Variants in ECPAS observed in about 807,000 individuals in gnomAD.
The protein encoded by ECPAS is Ecm29 proteasome adaptor and scaffold.
Under a neutral mutation model 255.1 loss-of-function variants are expected in ECPAS, and 70 were observed. The observed-to-expected ratio is 0.27, with a 90% CI of 0.23 to 0.33. ECPAS has a LOEUF of 0.33. Ranked by LOEUF, ECPAS falls within the 10% of genes least tolerant of loss-of-function variation. The probability of loss-of-function intolerance (pLI) is 1.00; values close to 1 mark genes in which losing one functional copy is unlikely to be tolerated. For synonymous variants in ECPAS, 784 were observed against 775.0 expected, an observed-to-expected ratio of 1.01 and a Z score of -0.19; for missense variants, 1,817 against 2,206.4, an observed-to-expected ratio of 0.82 and a Z score of 3.54.
At position 111,472,915 on chromosome 9, in the gene ECPAS, A is replaced by T; in HGVS notation, c.4T>A (p.Tyr2Asn). Residue 2 changes from tyrosine to asparagine, a missense_variant, in exon 2 of 50, where the codon TAT becomes AAT. This residue lies in a region of ECPAS where 90 missense variants were observed against 158.5 expected (regional missense o/e 0.57). Transcript: ENST00000684092. ...TACTAACCTCTACAATCAATGTGATACATGGTTTATCCAATCTTGACAAAA... is the reference window on the plus strand; with the variant it reads ...TACTAACCTCTACAATCAATGTGATTCATGGTTTATCCAATCTTGACAAAA... M[Y>N]HIDCRDQLER... 1.6e-6 allele frequency: 2 copies of T among 1,244,212 alleles called. No individual in the cohort carries two copies. Among genetic ancestry groups the T allele is most frequent in the South Asian group, 2.8e-5 (2 of 71,096 alleles). The allele number at this position is 1,244,212 out of a possible 1,614,324, so 77.1% of individuals were successfully genotyped here.
intron 31 of ECPAS, among the ~76,000 whole-genome samples, chr9:111,388,476 C>A (rs887401364): frequency 6.6e-6 from 1 of 150,734 alleles, no homozygotes; most frequent in South Asian, 2.2e-4. Context: ...CAGCCTAGTA[C>A]CAGACAGGAG....
At chr9:111,456,534 A>C (rs1365530189) in intron 2 of ECPAS, among the ~76,000 whole-genome samples, 1 of 152,248 alleles carries the variant, frequency 6.6e-6, no homozygotes, top group Non-Finnish European at 1.5e-5. Context: ...CCAAACGTTC[A>C]CTAGAATGTG....
Position 111,385,438 on chromosome 9 carries a change from A to T in ECPAS, c.3532T>A (p.Leu1178Ile). 1 of 1,522,612 alleles carries T rather than the reference A, an allele frequency of 6.6e-7. No homozygotes were observed. The highest frequency in any genetic ancestry group is 8.9e-7 in the Non-Finnish European group (1 of 1,120,882). The allele number at this position is 1,522,612 out of a possible 1,614,324, so 94.3% of individuals were successfully genotyped here. The part of the protein sequence containing the change: ...NMWRVRESSC[L>I]ALNDLLRGRP... Reference sequence around the variant, plus strand: ...CCTCTCAATAAATCATTCAAAGCTAAACAGCTGAAAATCAAAATTTCATTT... The same window carrying T: ...CCTCTCAATAAATCATTCAAAGCTATACAGCTGAAAATCAAAATTTCATTT... Residue 1178 changes from leucine (L) to isoleucine (I), a missense_variant, in exon 33 of 50, where the codon TTA (leucine) becomes ATA (isoleucine). This residue lies in a region of ECPAS where 960 missense variants were observed against 1,179.0 expected (regional missense o/e 0.81). Coordinates refer to ENST00000684092, the MANE Select transcript of ECPAS (RefSeq NM_001364929.1).
intron 1 of ECPAS, among the ~76,000 whole-genome samples, chr9:111,474,585 G>C (rs547811825): frequency 6.6e-6 from 1 of 152,072 alleles, no homozygotes; most frequent in South Asian, 2.1e-4. Flanking sequence ...CTCATGTTAC[G>C]CTCCTGCTTA....
At chr9:111,460,864 T>C (rs188301875) in intron 2 of ECPAS, among the ~76,000 whole-genome samples, 27 of 152,286 alleles carry the variant, frequency 1.8e-4, no homozygotes, top group African/African-American at 5.8e-4. Context: ...AATTGACCTA[T>C]AGACAATATA....
intron 48 of ECPAS, among the ~76,000 whole-genome samples, chr9:111,364,033 G>T (rs2098117277): frequency 6.6e-6 from 1 of 152,136 alleles, no homozygotes; most frequent in Non-Finnish European, 1.5e-5. Flanking sequence ...TTTTACCAAA[G>T]AACATTATAT....
chr9:111,392,943 A>G, intron 27 of ECPAS, 61 bp from the exon 28 acceptor site: 7 of 1,161,214 alleles, frequency 6.0e-6, no homozygotes, highest in Non-Finnish European at 7.5e-6. Context: ...CTTGCTATGA[A>G]ATCAAAATTT....
chr9:111,445,287 G>A (rs776320331), intron 3 of ECPAS, among the ~76,000 whole-genome samples: 29 of 152,066 alleles, frequency 1.9e-4, no homozygotes, highest in Non-Finnish European at 3.4e-4. Flanking sequence ...GAGCCACCGC[G>A]CCTGGCCAAG....
intron 2 of ECPAS, among the ~76,000 whole-genome samples, chr9:111,467,378 A>C (rs1008064413): frequency 1.4e-4 from 22 of 152,196 alleles, no homozygotes; most frequent in African/African-American, 5.3e-4. Context: ...TATTTAAGGC[A>C]ATGTTATCCC....
intron 48 of ECPAS, among the ~76,000 whole-genome samples, chr9:111,365,088 T>A (rs1441602945): frequency 6.6e-6 from 1 of 151,922 alleles, no homozygotes; most frequent in Non-Finnish European, 1.5e-5. Flanking sequence ...CTAGCCAACA[T>A]GGTGAAACCC....
rs2098291027 is a variant in ECPAS at position 111,472,984 on chromosome 9, G to A, written c.-66C>T. 1.7e-6 allele frequency: 2 copies of A among 1,150,116 alleles called. No individual in the cohort carries two copies. The highest frequency in any genetic ancestry group is 7.6e-5 in the East Asian group (1 of 13,202). The allele number at this position is 1,150,116 out of a possible 1,614,324, so 71.2% of individuals were successfully genotyped here. On this transcript the variant is annotated 5_prime_UTR_variant, in exon 2 of 50. Transcript: ENST00000684092. The stretch of plus-strand genomic sequence containing the variant: ...GGTACGTTCATCCACTCGTACATAT[G>A]CAATTGTATAAAGAATCTATTATTT...
Position 111,375,173 on chromosome 9 carries a change from C to G in ECPAS, c.4050G>C (p.Leu1350=), listed in dbSNP as rs1236892386. The G allele has an allele frequency of 3.1e-6, 5 of 1,613,582 alleles. No homozygotes were observed. The highest frequency in any genetic ancestry group is 4.2e-6 in the Non-Finnish European group (5 of 1,179,728). ...CACACAACCTAGGAACTAGCTCGCC[C>G]AGCACTGACACATCAAGGTATTGCA... ...MCLQYLDVSV[L]GELVPRLCEL... The change falls in exon 38 of 50, where the codon CTG becomes CTC. Residue 1350 remains leucine (L), a synonymous_variant. Coordinates refer to ENST00000684092, the MANE Select transcript of ECPAS (RefSeq NM_001364929.1).
chr9:111,440,447 A>G lies in ECPAS; in HGVS notation c.464T>C (p.Phe155Ser), dbSNP rs1343797943. ...PVESSKSASP[F>S]NLAEKPKTVQ... ...AGTCTTTGGTTTCTCAGCAAGATTA[A>G]ATGGAGAAGCTGATTTTGATGATTC... Residue 155 changes from phenylalanine to serine, a missense_variant, in exon 6 of 50, where the codon TTT becomes TCT. By Grantham distance (155) the Phe-to-Ser change is radical. This residue lies in a region of ECPAS where 573 missense variants were observed against 716.2 expected (regional missense o/e 0.80). Coordinates refer to ENST00000684092, the MANE Select transcript of ECPAS (RefSeq NM_001364929.1). The G allele has an allele frequency of 6.2e-7, 1 of 1,613,534 alleles. No homozygotes were observed. Among genetic ancestry groups the G allele is most frequent in the Admixed American group, 1.7e-5 (1 of 60,020 alleles).
chr9:111,401,394 G>A (rs2131663447), intron 24 of ECPAS, among the ~76,000 whole-genome samples: 1 of 152,284 alleles, frequency 6.6e-6, no homozygotes. Context: ...AAGGGGAGGG[G>A]GGTGTACAAA....
Position 111,411,162 on chromosome 9 carries a change from TA to T in ECPAS, c.2215-21del. ...CGGGCTCTGAATTTAGCAAAAACAA[TA>T]GCATATCTCTGGCTCTCTCTCATAT... On this transcript the variant is annotated intron_variant, in intron 21 of 49. Transcript: ENST00000684092. The T allele has an allele frequency of 6.2e-7, 1 of 1,612,308 alleles. No homozygotes were observed. Among genetic ancestry groups the T allele is most frequent in the South Asian group, 1.1e-5 (1 of 91,024 alleles).
intron 2 of ECPAS, among the ~76,000 whole-genome samples, chr9:111,459,996 CA>C (rs1381372132): frequency 6.6e-6 from 1 of 151,642 alleles, no homozygotes; most frequent in Non-Finnish European, 1.5e-5. Context: ...AAGATAAAAG[CA>C]AATAAAAGAT....
At chr9:111,412,707 A>T (rs1353393744) in intron 20 of ECPAS, among the ~76,000 whole-genome samples, 1 of 152,214 alleles carries the variant, frequency 6.6e-6, no homozygotes, top group East Asian at 1.9e-4. Flanking sequence ...AAGTTCAATA[A>T]AATCATTTTA....
intron 35 of ECPAS, among the ~76,000 whole-genome samples, chr9:111,379,087 T>C (rs1276153680): frequency 6.6e-6 from 1 of 152,228 alleles, no homozygotes; most frequent in African/African-American, 2.4e-5. Context: ...TTAGCAACAT[T>C]TGACCAATTT....
chr9:111,442,545 T>A (rs1466499522), intron 4 of ECPAS, 121 bp from the exon 5 acceptor site: 1 of 663,522 alleles, frequency 1.5e-6, no homozygotes, highest in East Asian at 2.9e-5. Flanking sequence ...ACGTGACTCA[T>A]CCTCCCTCCA....
Sources: allele counts gnomAD v4.1 joint callset (sites outside exome capture counted in the v4.1 genomes callset), GRCh38; gene constraint gnomAD v4.1.1; regional missense constraint gnomAD v4.1.1; transcripts MANE v1.5; gene names NCBI Gene and HGNC (gene_info 2026-07-23, HGNC 2026-07-21).